The following CTIF variants were observed in gnomAD, a reference collection of about 807,000 sequenced individuals.
CTIF encodes CBP80/20-dependent translation initiation factor.
In CTIF, 21 loss-of-function variants were observed where a neutral mutation model predicts 66.0. The observed-to-expected ratio is 0.32, with a 90% CI of 0.23 to 0.46. The LOEUF is 0.46. CTIF is among the 20% of genes least tolerant of loss of function. CTIF has a pLI of 1.00. For missense variants in CTIF, 739 were observed against 812.7 expected (o/e 0.91, Z 1.10); for synonymous variants, 345 against 326.4 (o/e 1.06, Z -0.62).
chr18:48,672,572 G>T (rs144034234), intron 6 of CTIF, among the ~76,000 whole-genome samples: 76 of 152,266 alleles, frequency 5.0e-4, no homozygotes, highest in African/African-American at 1.8e-3. Flanking sequence ...TCTTGAGCCT[G>T]TACATAGATA....
intron 6 of CTIF, among the ~76,000 whole-genome samples, chr18:48,679,482 C>A (rs1051073877): frequency 6.6e-6 from 1 of 152,148 alleles, no homozygotes; most frequent in African/African-American, 2.4e-5. Context: ...GGTTTCTTGG[C>A]GGGTGGGAGA....
At chr18:48,547,622 G>A (rs1041142538) in intron 1 of CTIF, among the ~76,000 whole-genome samples, 3 of 152,116 alleles carry the variant, frequency 2.0e-5, no homozygotes, top group African/African-American at 7.2e-5. Flanking sequence ...CACCCTCCTC[G>A]CTGGCCATTT....
chr18:48,629,727 A>G (rs1238802301), intron 2 of CTIF, among the ~76,000 whole-genome samples: 1 of 151,808 alleles, frequency 6.6e-6, no homozygotes, highest in Non-Finnish European at 1.5e-5. Flanking sequence ...TCTTTGAATG[A>G]TCCCTATTTC....
chr18:48,859,406 C>T lies in CTIF; in HGVS notation c.1644C>T (p.Ala548=). The T allele has an allele frequency of 6.2e-7, 1 of 1,614,162 alleles. No individual in the cohort carries two copies. The highest frequency in any genetic ancestry group is 1.1e-5 in the South Asian group (1 of 91,090). The change falls in exon 12 of 12, where the codon GCC becomes GCT. Residue 548 remains alanine, a synonymous_variant. Coordinates refer to ENST00000256413, the MANE Select transcript of CTIF (RefSeq NM_014772.3). ...QLPEMMTELL[A]SARDKMLCPS... is the part of the protein sequence containing the mutation. ...CTGAGATGATGACAGAGCTCCTGGCCAGCGCACGGGACAAGATGCTGTGCC... is the reference window on the plus strand; with the variant it reads ...CTGAGATGATGACAGAGCTCCTGGCTAGCGCACGGGACAAGATGCTGTGCC...
chr18:48,834,105 T>C (rs1268200947), intron 10 of CTIF, among the ~76,000 whole-genome samples: 4 of 151,974 alleles, frequency 2.6e-5, no homozygotes, highest in Non-Finnish European at 5.9e-5. Context: ...ATGTCTGGTA[T>C]GAAGGGCCAG....
chr18:48,675,662 A>G (rs2091616220), intron 6 of CTIF, among the ~76,000 whole-genome samples: 1 of 152,036 alleles, frequency 6.6e-6, no homozygotes, highest in South Asian at 2.1e-4. Context: ...CTGTTGGGCC[A>G]CATGTCCCCT....
intron 9 of CTIF, among the ~76,000 whole-genome samples, chr18:48,804,565 G>A (rs528979783): frequency 5.5e-4 from 84 of 152,370 alleles, no homozygotes; most frequent in African/African-American, 1.9e-3. Context: ...TTGGTGGATG[G>A]AGTAACTCAG....
At chr18:48,762,430 T>C (rs1045904787) in intron 9 of CTIF, among the ~76,000 whole-genome samples, 23 of 152,212 alleles carry the variant, frequency 1.5e-4, no homozygotes, top group African/African-American at 5.3e-4. Flanking sequence ...CAGTAGCAGA[T>C]GAGCTGGTGG....
chr18:48,748,197 G>T (rs547092444), intron 7 of CTIF, among the ~76,000 whole-genome samples: 2 of 152,040 alleles, frequency 1.3e-5, no homozygotes, highest in African/African-American at 4.8e-5. Context: ...GCGAGACGGG[G>T]GTTCGGGCCC....
intron 7 of CTIF, among the ~76,000 whole-genome samples, chr18:48,744,758 G>A (rs748449975): frequency 9.9e-5 from 15 of 151,956 alleles, no homozygotes; most frequent in African/African-American, 1.5e-4. Flanking sequence ...ATCCTAGACT[G>A]TGGGCTGCAT....
chr18:48,608,782 C>T (rs990503356), intron 1 of CTIF, among the ~76,000 whole-genome samples: 1 of 152,230 alleles, frequency 6.6e-6, no homozygotes, highest in African/African-American at 2.4e-5. Context: ...CAGCTCGGTA[C>T]TCTCTCTGCT....
At chr18:48,754,192 A>T (rs955415975) in intron 7 of CTIF, among the ~76,000 whole-genome samples, 1 of 152,134 alleles carries the variant, frequency 6.6e-6, no homozygotes, top group African/African-American at 2.4e-5. Flanking sequence ...CTTTGTCTCC[A>T]TTACTACAGG....
intron 3 of CTIF, 39 bp downstream of exon 3, chr18:48,636,724 A>G (rs377724462): frequency 1.9e-4 from 275 of 1,482,236 alleles, no homozygotes; most frequent in Non-Finnish European, 2.4e-4. Flanking sequence ...GGGGTGTCCT[A>G]TGTCTTGTCT....
chr18:48,855,560 C>T (rs528008088), intron 10 of CTIF, among the ~76,000 whole-genome samples: 2 of 152,326 alleles, frequency 1.3e-5, no homozygotes, highest in South Asian at 2.1e-4. Flanking sequence ...GCAACAGAAC[C>T]GTCTCTGCGT....
In CTIF at chr18:48,740,821, T is replaced by A. The variant is rs77731058; in HGVS notation, c.585-17098T>A. On this transcript the variant is annotated intron_variant, in intron 7 of 11. Transcript: ENST00000256413. Reference sequence around the variant, plus strand: ...TCATTAAAACCATTAAAAAAATTCCTCATGGGTTCTAGAAATATTACAGTG... The same window carrying A: ...TCATTAAAACCATTAAAAAAATTCCACATGGGTTCTAGAAATATTACAGTG... 2.9e-3 allele frequency among the ~76,000 whole-genome samples: 442 copies of A among 152,342 alleles called. 14 individuals are homozygous for A. Among genetic ancestry groups the A allele is most frequent in the Admixed American group, 0.027 (409 of 15,312 alleles).
At chr18:48,763,413 A>C (rs1909202515) in intron 9 of CTIF, among the ~76,000 whole-genome samples, 1 of 152,242 alleles carries the variant, frequency 6.6e-6, no homozygotes, top group Non-Finnish European at 1.5e-5. Context: ...GGGAACAGTC[A>C]GCCACAAAGG....
chr18:48,559,493 A>G (rs1247750837), intron 1 of CTIF, among the ~76,000 whole-genome samples: 1 of 152,062 alleles, frequency 6.6e-6, no homozygotes, highest in Non-Finnish European at 1.5e-5. Context: ...TGTGTGAAAA[A>G]CCACCCCAAA....
intron 9 of CTIF, among the ~76,000 whole-genome samples, chr18:48,808,002 A>AT (rs1645719054): frequency 6.6e-6 from 1 of 152,152 alleles, no homozygotes; most frequent in South Asian, 2.1e-4. Flanking sequence ...AATATTTTAA[A>AT]TTGTTTCCTT....
In CTIF at chr18:48,711,677, G is replaced by A. The variant is rs1456678647; in HGVS notation, c.566G>A (p.Arg189Lys). ...EIAHTKKLFR[R>K]RRNDRRRQQR... ...GCACACACCAAGAAGCTGTTCCGCAGGAGGAGAAATGATCGAAGGTAGGAG... is the reference window on the plus strand; with the variant it reads ...GCACACACCAAGAAGCTGTTCCGCAAGAGGAGAAATGATCGAAGGTAGGAG... The change falls in exon 7 of 12, where the codon AGG (arginine) becomes AAG (lysine). Residue 189 changes from arginine (R) to lysine (K), a missense_variant. Physicochemically the swap from Arg to Lys is conservative, Grantham distance 26. Transcript: ENST00000256413. 1.2e-6 allele frequency: 2 copies of A among 1,613,974 alleles called. No homozygotes were observed. Among genetic ancestry groups the A allele is most frequent in the Non-Finnish European group, 1.7e-6 (2 of 1,179,974 alleles).
Sources: allele counts gnomAD v4.1 joint callset (sites outside exome capture counted in the v4.1 genomes callset), GRCh38; gene constraint gnomAD v4.1.1; transcripts MANE v1.5; gene names NCBI Gene and HGNC (gene_info 2026-07-23, HGNC 2026-07-21).